SHISA6: variants seen among roughly 807,000 people sequenced by gnomAD.
The protein encoded by SHISA6 is shisa family member 6.
A neutral mutation model predicts 47.9 loss-of-function variants in SHISA6; 22 were observed. The ratio of observed to expected loss-of-function variants is 0.46; its 90% confidence interval spans 0.33 to 0.66. The LOEUF (loss-of-function observed/expected upper bound fraction) is 0.66. Ranked by LOEUF, SHISA6 falls within the 30% of genes least tolerant of loss-of-function variation. The pLI is 0.02. For missense variants in SHISA6, 680 were observed against 764.6 expected (o/e 0.89, Z 1.30); for synonymous variants, 388 against 337.8 (o/e 1.15, Z -1.63).
chr17:11,452,841 T>G (rs553657217), intron 3 of SHISA6, among the ~76,000 whole-genome samples: 1 of 151,054 alleles, frequency 6.6e-6, no homozygotes, highest in East Asian at 2.0e-4. Context: ...ACTCTCTTCC[T>G]CTACTCCTTG....
intron 1 of SHISA6, among the ~76,000 whole-genome samples, chr17:11,249,132 C>T (rs546948549): frequency 3.9e-4 from 55 of 140,096 alleles, no homozygotes; most frequent in African/African-American, 1.2e-3. Flanking sequence ...AGCGAGACTC[C>T]GTCTCAAAAA....
At chr17:11,443,067 T>TC (rs1481645939) in intron 3 of SHISA6, among the ~76,000 whole-genome samples, 2 of 152,166 alleles carry the variant, frequency 1.3e-5, no homozygotes, top group East Asian at 3.9e-4. Context: ...CTGCTCTCTC[T>TC]CCCCCTGGCA....
intron 3 of SHISA6, among the ~76,000 whole-genome samples, chr17:11,464,856 T>C (rs1454163017): frequency 6.6e-6 from 1 of 151,634 alleles, no homozygotes; most frequent in Admixed American, 6.6e-5. Flanking sequence ...GCAGAAGAAT[T>C]GCTTGAACCC....
At chr17:11,551,993 T>G (rs1264912528) in intron 4 of SHISA6, 41 bp downstream of exon 4, 2 of 1,539,812 alleles carry the variant, frequency 1.3e-6, no homozygotes. Flanking sequence ...CCTCCTTATT[T>G]CGAGTGGCAC....
intron 3 of SHISA6, among the ~76,000 whole-genome samples, chr17:11,471,922 G>C (rs1278229746): frequency 6.6e-6 from 1 of 151,884 alleles, no homozygotes; most frequent in Non-Finnish European, 1.5e-5. Context: ...CATTAAAATT[G>C]ATACACCTAC....
At chr17:11,351,406 A>G (rs1911886384) in intron 2 of SHISA6, among the ~76,000 whole-genome samples, 1 of 152,160 alleles carries the variant, frequency 6.6e-6, no homozygotes, top group African/African-American at 2.4e-5. Context: ...ACAATTATCT[A>G]CATATTGTTA....
chr17:11,545,726 G>A (rs1234891171), intron 3 of SHISA6, among the ~76,000 whole-genome samples: 1 of 152,198 alleles, frequency 6.6e-6, no homozygotes, highest in Non-Finnish European at 1.5e-5. Flanking sequence ...GAAGGCTGTG[G>A]GTCAGAACTA....
chr17:11,419,861 T>C (rs1914403332), intron 3 of SHISA6, among the ~76,000 whole-genome samples: 1 of 152,182 alleles, frequency 6.6e-6, no homozygotes, highest in Non-Finnish European at 1.5e-5. Flanking sequence ...TGCAGTTTTG[T>C]GTTCATGATC....
intron 2 of SHISA6, among the ~76,000 whole-genome samples, chr17:11,300,209 G>C (rs898929354): frequency 6.6e-6 from 1 of 151,782 alleles, no homozygotes; most frequent in Non-Finnish European, 1.5e-5. Flanking sequence ...CACCTTCACA[G>C]GTTTAAGGAC....
intron 3 of SHISA6, among the ~76,000 whole-genome samples, chr17:11,466,138 C>A (rs17773015): frequency 0.27 from 40,435 of 152,004 alleles, 5,562 homozygotes; most frequent in Middle Eastern, 0.36. Context: ...ACACACACAC[C>A]GTCCTGGAAG....
intron 3 of SHISA6, among the ~76,000 whole-genome samples, chr17:11,478,953 T>G: frequency 6.6e-6 from 1 of 152,048 alleles, no homozygotes; most frequent in East Asian, 1.9e-4. Flanking sequence ...CCCAATTCTG[T>G]GAAGAAAGTC....
chr17:11,392,643 G>A (rs977097062), intron 3 of SHISA6, among the ~76,000 whole-genome samples: 3 of 152,162 alleles, frequency 2.0e-5, no homozygotes, highest in South Asian at 2.1e-4. Flanking sequence ...CACCAGAATC[G>A]TGAGCGAAAT....
chr17:11,314,797 C>T (rs544021291), intron 2 of SHISA6, among the ~76,000 whole-genome samples: 2 of 152,098 alleles, frequency 1.3e-5, no homozygotes, highest in Non-Finnish European at 2.9e-5. Context: ...GCCTCGGCCT[C>T]CCAAAGTGCT....
intron 3 of SHISA6, 194 bp downstream of exon 3, chr17:11,379,703 C>T (rs1004930243): frequency 6.7e-6 from 3 of 446,808 alleles, no homozygotes; most frequent in East Asian, 4.7e-5. Flanking sequence ...CTTTAGAGGG[C>T]GATAGACTTC....
chr17:11,561,687 C>G lies in SHISA6; in HGVS notation c.*3383C>G, dbSNP rs1276452731. Reference sequence around the variant, plus strand: ...CAGGCCAGGTCACTCATTCCTTCCTCTCATCTCCCTCTTCCTCCATCTACC... The same window carrying G: ...CAGGCCAGGTCACTCATTCCTTCCTGTCATCTCCCTCTTCCTCCATCTACC... On this transcript the variant is annotated 3_prime_UTR_variant, in exon 6 of 6. Transcript: ENST00000441885. The G allele has an allele frequency of 6.6e-6, 1 of 152,302 alleles. No individual in the cohort carries two copies. The highest frequency in any genetic ancestry group is 1.5e-5 in the Non-Finnish European group (1 of 68,096). 9.4% of individuals were successfully genotyped at this position (152,302 alleles called of 1,614,324 possible).
intron 3 of SHISA6, among the ~76,000 whole-genome samples, chr17:11,529,955 T>G (rs1368750734): frequency 6.6e-6 from 1 of 152,160 alleles, no homozygotes; most frequent in Non-Finnish European, 1.5e-5. Context: ...TAGTTACTGA[T>G]GAAACACAAA....
At chr17:11,400,446 C>G (rs1159844437) in intron 3 of SHISA6, among the ~76,000 whole-genome samples, 2 of 152,208 alleles carry the variant, frequency 1.3e-5, no homozygotes, top group African/African-American at 4.8e-5. Context: ...GCCCCTCATC[C>G]TTGTTCTATG....
At chr17:11,411,190 G>T (rs1220712598) in intron 3 of SHISA6, among the ~76,000 whole-genome samples, 2 of 151,978 alleles carry the variant, frequency 1.3e-5, no homozygotes, top group African/African-American at 4.8e-5. Context: ...GGTTGGTCTC[G>T]ATCTCGTGAC....
At chr17:11,348,644 C>T (rs968869207) in intron 2 of SHISA6, among the ~76,000 whole-genome samples, 3 of 152,080 alleles carry the variant, frequency 2.0e-5, no homozygotes, top group Non-Finnish European at 4.4e-5. Flanking sequence ...TCAGCAGTGT[C>T]TACCCTGAGT....
Sources: allele counts gnomAD v4.1 joint callset (sites outside exome capture counted in the v4.1 genomes callset), GRCh38; gene constraint gnomAD v4.1.1; transcripts MANE v1.5; gene names NCBI Gene and HGNC (gene_info 2026-07-23, HGNC 2026-07-21).